The following PHC1 variants were observed in gnomAD, a reference collection of about 807,000 sequenced individuals.
PHC1 encodes polyhomeotic-like protein 1.
In PHC1, 12 loss-of-function variants were observed where a neutral mutation model predicts 104.3. The observed-to-expected ratio is 0.12, with a 90% confidence interval of 0.07 to 0.19. The LOEUF (loss-of-function observed/expected upper bound fraction) is 0.19, where lower values mean the gene tolerates loss of function less well. PHC1 is among the 10% of genes least tolerant of loss of function. The pLI is 1.00. For synonymous variants in PHC1, 302 were observed against 455.8 expected (o/e 0.66, Z 4.30); for missense variants, 671 against 1,200.0 (o/e 0.56, Z 6.51).
chr12:8,936,217 C>CA (rs1945833159), intron 11 of PHC1, among the ~76,000 whole-genome samples: 1 of 152,018 alleles, frequency 6.6e-6, no homozygotes, highest in African/African-American at 2.4e-5. Context: ...CTTGTCTCTA[C>CA]AAAAAAATAT....
rs1166571322 is a variant in PHC1, at chr12:8,919,627, T to G, written c.115-129T>G. 1 of 892,636 alleles carries G rather than the reference T, an allele frequency of 1.1e-6. No individual in the cohort carries two copies. Among genetic ancestry groups the G allele is most frequent in the Non-Finnish European group, 1.7e-6 (1 of 586,842 alleles). The allele number at this position is 892,636 out of a possible 1,614,324, so 55.3% of individuals were successfully genotyped here. ...TGAAGGAAAATCAGCCGTTGACGAT[T>G]TAGCCCAAACTCCCATCTCCTCTGG... On this transcript the variant is annotated intron_variant, in intron 2 of 14. Transcript: ENST00000544916. This position sits in a 1 kb window ranked among gnomAD's most constrained non-coding sequence, Gnocchi z 4.9.
chr12:8,939,587 T>C lies in PHC1; in HGVS notation c.*128T>C, dbSNP rs1314097295. The C allele has an allele frequency of 6.7e-6, 4 of 597,888 alleles. No individual in the cohort carries two copies. The highest frequency in any genetic ancestry group is 3.0e-5 in the Admixed American group (1 of 32,868). The allele number at this position is 597,888 out of a possible 1,614,324, so 37.0% of individuals were successfully genotyped here. A position where few individuals can be genotyped will look rare whatever the true frequency, so the allele number is the denominator to read the frequency against. ...CATGTAACCTTCTGTAGGGGATTAC[T>C]GAGACAGGGAAGAGAAGTGCAAGAA... is the stretch of plus-strand genomic sequence containing the variant. On this transcript the variant is annotated 3_prime_UTR_variant, in exon 15 of 15. Transcript: ENST00000544916.
intron 6 of PHC1, among the ~76,000 whole-genome samples, chr12:8,925,810 A>G (rs1488280843): frequency 6.6e-6 from 1 of 152,038 alleles, no homozygotes; most frequent in African/African-American, 2.4e-5. Context: ...ATTTGGATGT[A>G]TTTTTGTTTT....
intron 8 of PHC1, chr12:8,933,578 T>C (rs1945751808): frequency 1.5e-6 from 1 of 655,988 alleles, no homozygotes; most frequent in East Asian, 2.8e-5. Flanking sequence ...ATAAGTTAGA[T>C]CAAGATAGCC....
chr12:8,923,459 GT>G (rs1175357186), intron 6 of PHC1, among the ~76,000 whole-genome samples: 2 of 152,144 alleles, frequency 1.3e-5, no homozygotes, highest in African/African-American at 4.8e-5. Flanking sequence ...GGCCCTCCCT[GT>G]TTATGGGTTT....
At position 8,935,195 on chromosome 12, in the gene PHC1, G is replaced by C. The variant is rs1002305357; in HGVS notation, c.2325G>C (p.Glu775Asp). 1.9e-6 allele frequency: 3 copies of C among 1,587,728 alleles called. No individual in the cohort carries two copies. In the African/African-American group the frequency reaches 4.0e-5, roughly 21 times the overall value. The stretch of plus-strand genomic sequence containing the variant: ...CTGGCCTTCCGACAGGGCTGACTGA[G>C]AATCAGTCAGGTGGCCCTTTGGGAG... ...LQTGLPTGLT[E>D]NQSGGPLGVD... The change falls in exon 11 of 15, where the codon GAG (glutamate) becomes GAC (aspartate). Residue 775 changes from glutamate to aspartate, a missense_variant. By Grantham distance (45) the Glu-to-Asp change is conservative (BLOSUM62 2). This residue lies in a region of PHC1 where 192 missense variants were observed against 280.5 expected (regional missense o/e 0.68). Coordinates refer to ENST00000544916, the MANE Select transcript of PHC1 (RefSeq NM_004426.3).
At chr12:8,921,812 T>G in intron 5 of PHC1, 62 bp downstream of exon 5, 2 of 1,471,396 alleles carry the variant, frequency 1.4e-6, no homozygotes, top group Admixed American at 2.4e-5. Flanking sequence ...TGGCAAAGAC[T>G]TGAGTGAAAG....
chr12:8,927,903 TTCTTTCTTTC>T (rs1440193330), intron 6 of PHC1, among the ~76,000 whole-genome samples: 8 of 113,520 alleles, frequency 7.0e-5, no homozygotes, highest in African/African-American at 1.3e-4. Context: ...CTTTCTTTCT[TTCTTTCTTTC>T]TTTTTTTTTT....
chr12:8,920,489 C>T lies in PHC1; in HGVS notation c.226-496C>T, dbSNP rs762803243. ...TTGGGAGGCTGAGGCAGGTGGATCA[C>T]TTGAGGTCAGGAGTTCAAGACCAGC... On this transcript the variant is annotated intron_variant, in intron 3 of 14. Transcript: ENST00000544916. Among the ~76,000 whole-genome samples, 14 of 152,260 alleles carry T rather than the reference C, an allele frequency of 9.2e-5. 1 individual carries two copies. Among genetic ancestry groups the T allele is most frequent in the Admixed American group, 7.2e-4 (11 of 15,298 alleles).
At chr12:8,935,311 T>C (rs200561026) in intron 11 of PHC1, 73 bp downstream of exon 11, 3 of 248,376 alleles carry the variant, frequency 1.2e-5, no homozygotes, top group Middle Eastern at 7.2e-4. Context: ...CGGTGTAAAA[T>C]AGTAGTTACC....
Position 8,922,778 on chromosome 12 carries a change from A to G in PHC1, c.602A>G (p.Asp201Gly). The G allele has an allele frequency of 1.9e-6, 3 of 1,612,966 alleles. No homozygotes were observed. Among genetic ancestry groups the G allele is most frequent in the Non-Finnish European group, 2.5e-6 (3 of 1,179,606 alleles). ...GCTCAGTCTCCTGGAGTTCATGCAG[A>G]TGCAGATCAGGTTAGTGGCGATGAC... ...PSAQSPGVHA[D>G]ADQVQNLAVR... is the part of the protein sequence containing the mutation. Residue 201 changes from aspartate (D) to glycine (G), a missense_variant, in exon 6 of 15, where the codon GAT (aspartate) becomes GGT (glycine). Around this residue, in one of 9 missense-constraint regions of PHC1, gnomAD observed 237 missense variants for 331.1 expected, o/e 0.72. Transcript: ENST00000544916.
chr12:8,924,495 T>C (rs936146140), intron 6 of PHC1, among the ~76,000 whole-genome samples: 7 of 152,138 alleles, frequency 4.6e-5, no homozygotes, highest in African/African-American at 1.7e-4. Context: ...AAGAAAGTGC[T>C]AAACTAAATG....
chr12:8,919,608 A>G lies in PHC1; in HGVS notation c.115-148A>G, dbSNP rs1053737130. 6 of 757,910 alleles carry G rather than the reference A, an allele frequency of 7.9e-6. No individual in the cohort carries two copies. The African/African-American group carries it at 1.1e-4, about 13-fold the overall frequency. 46.9% of individuals were successfully genotyped at this position (757,910 alleles called of 1,614,324 possible). A position where few individuals can be genotyped will look rare whatever the true frequency, so the allele number is the denominator to read the frequency against. ...TGACTTTGCTCTAAAAAAATGAAGG[A>G]AAATCAGCCGTTGACGATTTAGCCC... On this transcript the variant is annotated intron_variant, in intron 2 of 14. Transcript: ENST00000544916. This position sits in a 1 kb window ranked among gnomAD's most constrained non-coding sequence, Gnocchi z 4.9.
Position 8,919,039 on chromosome 12 carries a change from A to G in PHC1, c.115-717A>G, listed in dbSNP as rs1190053811. On this transcript the variant is annotated intron_variant, in intron 2 of 14. Coordinates refer to ENST00000544916, the MANE Select transcript of PHC1 (RefSeq NM_004426.3). This position sits in a 1 kb window ranked among gnomAD's most constrained non-coding sequence, Gnocchi z 4.9. Reference sequence around the variant, plus strand: ...TTTCTTCCGGTTTTTAAAGGACTATATAGACTTACTGAGGCAGAAGGATCT... The same window carrying G: ...TTTCTTCCGGTTTTTAAAGGACTATGTAGACTTACTGAGGCAGAAGGATCT... Among the ~76,000 whole-genome samples, 2 of 152,122 alleles carry G rather than the reference A, an allele frequency of 1.3e-5. No homozygotes were observed. Among genetic ancestry groups the G allele is most frequent in the African/African-American group, 2.4e-5 (1 of 41,430 alleles).
Position 8,921,068 on chromosome 12 carries a change from G to A in PHC1, c.306+3G>A. 1 of 1,608,352 alleles carries A rather than the reference G, an allele frequency of 6.2e-7. No homozygotes were observed. The highest frequency in any genetic ancestry group is 8.5e-7 in the Non-Finnish European group (1 of 1,177,132). The stretch of plus-strand genomic sequence containing the variant: ...AGACTACCACCACCCAGGCCTCGGT[G>A]AGTACGCCCTCTCCCACTGAGAGGC... On this transcript the variant is annotated splice_donor_region_variant and intron_variant, in intron 4 of 14. Transcript: ENST00000544916.
chr12:8,937,655 TC>T (rs1424182233), intron 13 of PHC1, among the ~76,000 whole-genome samples, 173 bp from the exon 14 acceptor site: 3 of 152,222 alleles, frequency 2.0e-5, no homozygotes, highest in African/African-American at 7.2e-5. Context: ...TGATACAGTT[TC>T]TATTTGAAAG....
chr12:8,920,094 G>T (rs75438496), intron 3 of PHC1, among the ~76,000 whole-genome samples: 4,417 of 152,240 alleles, frequency 0.029, 209 homozygotes, highest in African/African-American at 0.1. Flanking sequence ...GACCTGCATT[G>T]TCTAATAACG....
intron 8 of PHC1, 166 bp downstream of exon 8, chr12:8,933,516 CT>C: frequency 2.1e-6 from 2 of 936,938 alleles, no homozygotes; most frequent in Non-Finnish European, 1.5e-6. Flanking sequence ...AATATCTGAA[CT>C]TTATACTCCT....
intron 14 of PHC1, among the ~76,000 whole-genome samples, chr12:8,938,877 T>C (rs1257345154): frequency 6.6e-6 from 1 of 152,102 alleles, no homozygotes; most frequent in East Asian, 1.9e-4. Context: ...CAGGCTGGAG[T>C]GCTGTGGCAT....
Sources: gnomAD v4.1 joint callset for allele counts (sites outside exome capture counted in the v4.1 genomes callset) on GRCh38, gnomAD v4.1.1 for gene constraint, gnomAD v4.1.1 regional missense constraint, Gnocchi (gnomAD v3.1) non-coding constraint, MANE v1.5 for transcripts, NCBI Gene and HGNC (gene_info 2026-07-23, HGNC 2026-07-21) for gene names.